ARRB1: variants seen among roughly 807,000 people sequenced by gnomAD.
ARRB1 encodes beta-arrestin-1.
Under a neutral mutation model 56.8 loss-of-function variants are expected in ARRB1, and 21 were observed. The observed-to-expected ratio is 0.37, with a 90% CI of 0.26 to 0.53. ARRB1 has a LOEUF of 0.53. Among genes scored for constraint, ARRB1 ranks in the 20% least tolerant of loss-of-function variants. The pLI, the probability that ARRB1 is intolerant of heterozygous loss-of-function variation, is 0.88. For synonymous variants in ARRB1, 210 were observed against 218.6 expected, an observed-to-expected ratio of 0.96 and a Z score of 0.35; for missense variants, 424 against 553.7, an observed-to-expected ratio of 0.77 and a Z score of 2.35.
Position 75,271,731 on chromosome 11 carries a change from G to A in ARRB1, c.999-7C>T. 6.4e-7 allele frequency: 1 copy of A among 1,572,456 alleles called. No individual in the cohort carries two copies. The highest frequency in any genetic ancestry group is 1.2e-5 in the South Asian group (1 of 85,088). On this transcript the variant is annotated splice_region_variant and splice_polypyrimidine_tract_variant and intron_variant, in intron 12 of 15. Coordinates refer to ENST00000420843, the MANE Select transcript of ARRB1 (RefSeq NM_004041.5). The stretch of plus-strand genomic sequence containing the variant: ...TGCAAGATCTCCCAACAGGCTGGGT[G>A]GGTCAGAGGAGGCAGGAGAAGTGGT...
chr11:75,320,577 C>T (rs1013735816), intron 1 of ARRB1, among the ~76,000 whole-genome samples: 8 of 152,180 alleles, frequency 5.3e-5, no homozygotes, highest in Admixed American at 3.3e-4. Flanking sequence ...GCTCTGTTCC[C>T]GCAAGGGCTG....
intron 1 of ARRB1, among the ~76,000 whole-genome samples, chr11:75,305,401 A>G (rs1947005760): frequency 6.6e-6 from 1 of 152,104 alleles, no homozygotes; most frequent in Non-Finnish European, 1.5e-5. Flanking sequence ...TGTTACTATC[A>G]TACCCTCAAG....
chr11:75,283,754 T>C (rs1263340042), intron 4 of ARRB1, among the ~76,000 whole-genome samples: 2 of 151,240 alleles, frequency 1.3e-5, no homozygotes, highest in East Asian at 3.9e-4. Flanking sequence ...TGTGGAGGGG[T>C]ATGGAAACGG....
chr11:75,324,158 G>C (rs935805107), intron 1 of ARRB1, among the ~76,000 whole-genome samples: 1 of 152,160 alleles, frequency 6.6e-6, no homozygotes, highest in African/African-American at 2.4e-5. Flanking sequence ...TTTTGTTGTT[G>C]CTTAAATAAT....
At chr11:75,302,486 C>T (rs905001592) in intron 1 of ARRB1, among the ~76,000 whole-genome samples, 2 of 152,216 alleles carry the variant, frequency 1.3e-5, no homozygotes, top group Admixed American at 1.3e-4. Context: ...CAGCTGGATA[C>T]CAAAGAGCCC....
chr11:75,280,471 G>A (rs1207349761), intron 7 of ARRB1, among the ~76,000 whole-genome samples: 1 of 152,228 alleles, frequency 6.6e-6, no homozygotes. Context: ...ACAGAGCACA[G>A]CCCGACCCAG....
At chr11:75,333,580 G>C (rs1255170004) in intron 1 of ARRB1, among the ~76,000 whole-genome samples, 1 of 152,186 alleles carries the variant, frequency 6.6e-6, no homozygotes, top group Non-Finnish European at 1.5e-5. Flanking sequence ...AGCACCTACT[G>C]TGTACCAGGC....
intron 1 of ARRB1, among the ~76,000 whole-genome samples, chr11:75,309,152 G>A (rs768219918): frequency 1.8e-4 from 27 of 152,194 alleles, no homozygotes; most frequent in Non-Finnish European, 3.2e-4. Context: ...GCCTGGGGAG[G>A]CCAGAGGCCC....
intron 1 of ARRB1, chr11:75,311,937 G>T: frequency 1.2e-6 from 1 of 865,158 alleles, no homozygotes; most frequent in Non-Finnish European, 1.6e-6. Context: ...GGCTGAGAGG[G>T]GACGGCCGGC....
chr11:75,330,888 A>G (rs1327156367), intron 1 of ARRB1, among the ~76,000 whole-genome samples: 2 of 152,242 alleles, frequency 1.3e-5, no homozygotes, highest in African/African-American at 4.8e-5. Context: ...TGGACTTTAG[A>G]GAAAAAGAAA....
intron 4 of ARRB1, 127 bp downstream of exon 4, chr11:75,284,108 A>T: frequency 6.2e-6 from 6 of 961,836 alleles, no homozygotes; most frequent in Non-Finnish European, 9.0e-6. Flanking sequence ...AGGCAACGGC[A>T]TCTGTAGAGG....
chr11:75,273,041 G>T (rs1025705653), intron 11 of ARRB1, 63 bp from the exon 12 acceptor site: 5 of 1,467,274 alleles, frequency 3.4e-6, no homozygotes, highest in Admixed American at 1.7e-5. Context: ...CACCTCAGGG[G>T]TGGGTATGCT....
intron 1 of ARRB1, among the ~76,000 whole-genome samples, chr11:75,330,178 C>T (rs531487855): frequency 2.0e-4 from 30 of 152,340 alleles, no homozygotes; most frequent in African/African-American, 7.2e-4. Flanking sequence ...ACCTTCAGAT[C>T]CTGCTGCTCC....
rs561077419 is a variant in ARRB1, at chr11:75,300,695, G to A, written c.21-10656C>T. ...AAATACAAAAATTAGGGCCGGGCGC[G>A]GTGGCTCACGCCTGTAATCCCAGCA... On this transcript the variant is annotated intron_variant, in intron 1 of 15. Coordinates refer to ENST00000420843, the MANE Select transcript of ARRB1 (RefSeq NM_004041.5). Among the ~76,000 whole-genome samples the A allele has an allele frequency of 7.6e-3, 1,123 of 147,438 alleles. 48 individuals carry two copies. The highest frequency in any genetic ancestry group is 0.029 in the African/African-American group (1,082 of 37,880).
At chr11:75,299,378 G>C (rs928226432) in intron 1 of ARRB1, among the ~76,000 whole-genome samples, 9 of 151,226 alleles carry the variant, frequency 6.0e-5, no homozygotes, top group African/African-American at 2.2e-4. Context: ...TGAGCATAAA[G>C]TACTTTATAA....
At chr11:75,341,618 A>G (rs187417959) in intron 1 of ARRB1, among the ~76,000 whole-genome samples, 1 of 152,232 alleles carries the variant, frequency 6.6e-6, no homozygotes, top group East Asian at 1.9e-4. Flanking sequence ...CCAAACTCCA[A>G]ACCTCCTGCC....
intron 1 of ARRB1, chr11:75,311,975 C>A: frequency 8.2e-7 from 1 of 1,221,876 alleles, no homozygotes; most frequent in Non-Finnish European, 1.1e-6. Flanking sequence ...GGGCCTGGGC[C>A]GAGGGGCTGG....
At chr11:75,302,539 A>G (rs2140465013) in intron 1 of ARRB1, among the ~76,000 whole-genome samples, 1 of 152,312 alleles carries the variant, frequency 6.6e-6, no homozygotes, top group African/African-American at 2.4e-5. Context: ...TGGGGCTGAG[A>G]TGCAGGAAGA....
At chr11:75,345,147 A>C (rs1430607058) in intron 1 of ARRB1, among the ~76,000 whole-genome samples, 1 of 152,190 alleles carries the variant, frequency 6.6e-6, no homozygotes, top group Non-Finnish European at 1.5e-5. Flanking sequence ...CCTTAGTCAC[A>C]CACAATTCTG....
Sources: gnomAD v4.1 joint callset for allele counts (sites outside exome capture counted in the v4.1 genomes callset) on GRCh38, gnomAD v4.1.1 for gene constraint, MANE v1.5 for transcripts, NCBI Gene and HGNC (gene_info 2026-07-23, HGNC 2026-07-21) for gene names.